Variants in TCF20 observed in about 807,000 individuals in gnomAD.
TCF20 encodes the protein SPRE-binding protein.
Under a neutral mutation model 148.6 loss-of-function variants are expected in TCF20, and 3 were observed. The ratio of observed to expected loss-of-function variants is 0.02; its 90% CI spans 0.01 to 0.05. The LOEUF is 0.05. Among genes scored for constraint, TCF20 ranks in the 10% least tolerant of loss-of-function variants. The pLI, the probability that TCF20 is intolerant of heterozygous loss-of-function variation, is 1.00. For missense variants in TCF20, 2,350 were observed against 2,429.3 expected, an observed-to-expected ratio of 0.97 and a Z score of 0.69; for synonymous variants, 1,049 against 909.5, an observed-to-expected ratio of 1.15 and a Z score of -2.76.
rs954072297 is a variant in TCF20, at chr22:42,250,092, G to A, written c.-37+20247C>T. Among the ~76,000 whole-genome samples the A allele has an allele frequency of 2.0e-5, 3 of 152,190 alleles. No individual in the cohort carries two copies. The East Asian group carries it at 5.8e-4, about 29-fold the overall frequency. On this transcript the variant is annotated intron_variant, in intron 1 of 5. Transcript: ENST00000677622. ...TGCACTATGATCATGCCTGTGAATA[G>A]TCACTGCACTCCAGCATGGGCAACA...
intron 1 of TCF20, among the ~76,000 whole-genome samples, chr22:42,223,431 G>T (rs1922566009): frequency 6.6e-6 from 1 of 152,120 alleles, no homozygotes; most frequent in Non-Finnish European, 1.5e-5. Flanking sequence ...ACACACACTT[G>T]GGTCAGATCT....
chr22:42,236,849 G>A (rs1175172990), intron 1 of TCF20, among the ~76,000 whole-genome samples: 1 of 152,196 alleles, frequency 6.6e-6, no homozygotes, highest in Admixed American at 6.5e-5. Flanking sequence ...TCTACTAAGT[G>A]TGAAATGGTA....
At chr22:42,308,580 C>A (rs778376402) in intron 1 of TCF20, among the ~76,000 whole-genome samples, 2 of 152,136 alleles carry the variant, frequency 1.3e-5, no homozygotes, top group African/African-American at 2.4e-5. Flanking sequence ...CTCTGCACAA[C>A]GTCCCCAGGG....
chr22:42,216,079 C>CATTTTTTTTTTT (rs1921752440), intron 1 of TCF20, among the ~76,000 whole-genome samples: 1 of 50,564 alleles, frequency 2.0e-5, no homozygotes, highest in Non-Finnish European at 3.5e-5. Context: ...AAACCAAATC[C>CATTTTTTTTTTT]TTTTTTTTTT....
chr22:42,322,535 G>T (rs1162471950), intron 1 of TCF20, among the ~76,000 whole-genome samples: 1 of 151,902 alleles, frequency 6.6e-6, no homozygotes, highest in Non-Finnish European at 1.5e-5. Context: ...AGAAAGGTTG[G>T]GCAGAGGAGA....
intron 1 of TCF20, among the ~76,000 whole-genome samples, chr22:42,305,125 A>T (rs552301029): frequency 1.2e-4 from 18 of 152,114 alleles, no homozygotes; most frequent in African/African-American, 4.3e-4. Context: ...GCCCCTCCCC[A>T]TGCAGTCGTA....
intron 2 of TCF20, among the ~76,000 whole-genome samples, chr22:42,201,885 T>C (rs2064427338): frequency 6.6e-6 from 1 of 152,244 alleles, no homozygotes. Context: ...TTAATGCTTT[T>C]ACTTAACATG....
At chr22:42,276,382 T>A (rs764719234) in intron 1 of TCF20, 3 of 152,204 alleles carry the variant, frequency 2.0e-5, no homozygotes, top group Non-Finnish European at 2.9e-5. Flanking sequence ...CCAGAGTCAC[T>A]TAGAAGATGC....
chr22:42,268,073 G>A (rs1272256826), intron 1 of TCF20, among the ~76,000 whole-genome samples: 2 of 152,088 alleles, frequency 1.3e-5, no homozygotes, highest in African/African-American at 4.8e-5. Flanking sequence ...CTGAAACTGG[G>A]AGGTAGAGGC....
At chr22:42,169,755 G>T in intron 4 of TCF20, 92 bp downstream of exon 4, 2 of 1,375,738 alleles carry the variant, frequency 1.5e-6, no homozygotes, top group Non-Finnish European at 1.0e-6. Context: ...ACAGGTGTGG[G>T]TGAGGCCCAC....
chr22:42,307,419 G>A (rs1927455496), intron 1 of TCF20, among the ~76,000 whole-genome samples: 1 of 152,210 alleles, frequency 6.6e-6, no homozygotes, highest in South Asian at 2.1e-4. Context: ...CGCCTACTCT[G>A]ACTGGAGCTA....
chr22:42,162,069 C>A (rs1295432270), intron 5 of TCF20, among the ~76,000 whole-genome samples: 1 of 144,708 alleles, frequency 6.9e-6, no homozygotes, highest in Admixed American at 7.3e-5. Context: ...CAGCCTCTGC[C>A]CCCTGGGTTC....
intron 1 of TCF20, among the ~76,000 whole-genome samples, chr22:42,267,916 C>T (rs1264304671): frequency 1.6e-4 from 24 of 152,296 alleles, no homozygotes; most frequent in Admixed American, 1.6e-3. Context: ...GAAGTCAAGG[C>T]AGGCGGATCA....
At position 42,213,957 on chromosome 22, in the gene TCF20, T is replaced by C. The variant is rs1218253200; in HGVS notation, c.1349A>G (p.Asp450Gly). ...LEGVPEKRLTDPGLSSLSALS... is the reference protein window; with the variant it reads ...LEGVPEKRLTGPGLSSLSALS... Reference sequence around the variant, plus strand: ...AGCACTCAAACTACTCAACCCAGGATCTGTCAGTCGCTTTTCTGGTACCCC... The same window carrying C: ...AGCACTCAAACTACTCAACCCAGGACCTGTCAGTCGCTTTTCTGGTACCCC... The change falls in exon 2 of 6, where the codon GAT (aspartate) becomes GGT (glycine). Residue 450 changes from aspartate (D) to glycine (G), a missense_variant. Asp to Gly is a moderately conservative substitution (Grantham distance 94). Around this residue, in one of 7 missense-constraint regions of TCF20, gnomAD observed 1,641 missense variants for 1,662.6 expected, o/e 0.99. Transcript: ENST00000677622. 1.2e-6 allele frequency: 2 copies of C among 1,614,170 alleles called. No homozygotes were observed. The highest frequency in any genetic ancestry group is 1.7e-6 in the Non-Finnish European group (2 of 1,180,024).
At chr22:42,172,042 C>G (rs1601518392) in intron 3 of TCF20, among the ~76,000 whole-genome samples, 1 of 152,224 alleles carries the variant, frequency 6.6e-6, no homozygotes, top group Non-Finnish European at 1.5e-5. Flanking sequence ...TGAATGCACG[C>G]TAACGACAAC....
chr22:42,187,686 G>T (rs376719855), intron 2 of TCF20, among the ~76,000 whole-genome samples: 1 of 152,170 alleles, frequency 6.6e-6, no homozygotes, highest in African/African-American at 2.4e-5. Context: ...GCAGTTTATA[G>T]TAAAGTTATG....
At chr22:42,187,728 T>C (rs1878574041) in intron 2 of TCF20, among the ~76,000 whole-genome samples, 7 of 152,242 alleles carry the variant, frequency 4.6e-5, no homozygotes, top group Admixed American at 4.6e-4. Context: ...AGGTTGGGAT[T>C]AAAGGACTTT....
intron 1 of TCF20, among the ~76,000 whole-genome samples, chr22:42,250,477 T>G (rs940337018): frequency 5.3e-5 from 8 of 150,040 alleles, no homozygotes; most frequent in African/African-American, 1.7e-4. Flanking sequence ...AAGGTGAACC[T>G]TCAATGAGAT....
chr22:42,160,662 AAT>A lies in TCF20; in HGVS notation c.*739_*740del, dbSNP rs1430315141. The A allele has an allele frequency of 1.3e-5, 2 of 152,524 alleles. No homozygotes were observed. Among genetic ancestry groups the A allele is most frequent in the African/African-American group, 2.4e-5 (1 of 41,426 alleles). The allele number at this position is 152,524 out of a possible 1,614,324, so 9.4% of individuals were successfully genotyped here. A position where few individuals can be genotyped will look rare whatever the true frequency, so the allele number is the denominator to read the frequency against. ...AATTAAAAAAAAAAAACCATAAATA[AAT>A]AGTGTTTCTGGAAATGAAAAAAAAT... On this transcript the variant is annotated 3_prime_UTR_variant, in exon 6 of 6. Coordinates refer to ENST00000677622, the MANE Select transcript of TCF20 (RefSeq NM_001378418.1).
Sources: gnomAD v4.1 joint callset for allele counts (sites outside exome capture counted in the v4.1 genomes callset) on GRCh38, gnomAD v4.1.1 for gene constraint, gnomAD v4.1.1 regional missense constraint, MANE v1.5 for transcripts, NCBI Gene and HGNC (gene_info 2026-07-23, HGNC 2026-07-21) for gene names.